The following RANBP10 variants were observed in gnomAD, a reference collection of about 807,000 sequenced individuals.
RANBP10 encodes the protein RAN binding protein 10.
Under a neutral mutation model 72.8 loss-of-function variants are expected in RANBP10, and 24 were observed. The ratio of observed to expected loss-of-function variants is 0.33; its 90% confidence interval spans 0.24 to 0.46. The LOEUF (loss-of-function observed/expected upper bound fraction) is 0.46, where lower values mean the gene tolerates loss of function less well. RANBP10 is among the 20% of genes least tolerant of loss of function. The pLI is 1.00. For missense variants in RANBP10, 679 were observed against 817.5 expected (o/e 0.83, Z 2.07); for synonymous variants, 310 against 322.3 (o/e 0.96, Z 0.41).
chr16:67,772,043 T>C lies in RANBP10; in HGVS notation c.391A>G (p.Arg131Gly). The change falls in exon 3 of 14, where the codon AGA (arginine) becomes GGA (glycine). Residue 131 changes from arginine (R) to glycine (G), a missense_variant. By Grantham distance (125) the Arg-to-Gly change is moderately radical. Coordinates refer to ENST00000317506, the MANE Select transcript of RANBP10 (RefSeq NM_020850.3). ...TTAAACAGTGACTCACCAGGAAGTC[T>C]GTTCATGTTGACGCCTTGAGCCGAG... ...GLSAQGVNMN[R>G]LPGWDKHSYG... 2 of 1,609,900 alleles carry C rather than the reference T, an allele frequency of 1.2e-6. No homozygotes were observed. The highest frequency in any genetic ancestry group is 1.7e-6 in the Non-Finnish European group (2 of 1,179,160).
intron 2 of RANBP10, among the ~76,000 whole-genome samples, chr16:67,794,473 G>A (rs1442098536): frequency 6.7e-6 from 1 of 149,540 alleles, no homozygotes; most frequent in African/African-American, 2.5e-5. Context: ...GGCCTGCTGT[G>A]TATTTTTTAA....
At chr16:67,748,480 C>T (rs1181612584) in intron 3 of RANBP10, among the ~76,000 whole-genome samples, 5 of 151,566 alleles carry the variant, frequency 3.3e-5, no homozygotes, top group African/African-American at 4.9e-5. Flanking sequence ...GCCAAGATCA[C>T]GCCACTGCAC....
Position 67,729,621 on chromosome 16 carries a change from T to C in RANBP10, c.1147+59A>G. ...TGAGCCCAGCCCAGGAAAGGGTATG[T>C]GGAGTGGCCTCTCTCCTCCACACCA... On this transcript the variant is annotated intron_variant, in intron 9 of 13. Coordinates refer to ENST00000317506, the MANE Select transcript of RANBP10 (RefSeq NM_020850.3). The surrounding 1 kb of genome is among the most constrained non-coding windows in gnomAD (Gnocchi z 7.1). 1 of 1,568,456 alleles carries C rather than the reference T, an allele frequency of 6.4e-7. No homozygotes were observed. Among genetic ancestry groups the C allele is most frequent in the Non-Finnish European group, 8.6e-7 (1 of 1,157,862 alleles).
chr16:67,753,309 C>T (rs1002493198), intron 3 of RANBP10, among the ~76,000 whole-genome samples: 1 of 151,968 alleles, frequency 6.6e-6, no homozygotes, highest in African/African-American at 2.4e-5. Context: ...AGTTTGAGAC[C>T]ATCCTGGACA....
At chr16:67,764,625 T>A (rs2054462533) in intron 3 of RANBP10, among the ~76,000 whole-genome samples, 1 of 152,200 alleles carries the variant, frequency 6.6e-6, no homozygotes, top group Non-Finnish European at 1.5e-5. Flanking sequence ...GGCTTGTCAA[T>A]CCTGTCACAG....
chr16:67,724,863 C>T lies in RANBP10; in HGVS notation c.*1565G>A, dbSNP rs375388155. On this transcript the variant is annotated 3_prime_UTR_variant, in exon 14 of 14. Transcript: ENST00000317506. Reference sequence around the variant, plus strand: ...CAACTTCCGGCCTTGCCATGGCTGACCCTACTCTTTGCATGGGCGGCTTGT... The same window carrying T: ...CAACTTCCGGCCTTGCCATGGCTGATCCTACTCTTTGCATGGGCGGCTTGT... The T allele has an allele frequency of 6.6e-6, 1 of 152,356 alleles. No homozygotes were observed. The highest frequency in any genetic ancestry group is 2.4e-5 in the African/African-American group (1 of 41,454). 9.4% of individuals were successfully genotyped at this position (152,356 alleles called of 1,614,324 possible).
chr16:67,792,831 G>A (rs888498482), intron 2 of RANBP10, among the ~76,000 whole-genome samples: 1 of 151,538 alleles, frequency 6.6e-6, no homozygotes, highest in Non-Finnish European at 1.5e-5. Flanking sequence ...CTCAAGTTAG[G>A]GTGCTCGTAT....
chr16:67,750,761 CTTTTTTTTTTTT>C lies in RANBP10; in HGVS notation c.401-6318_401-6307del, dbSNP rs914921755. 6.4e-5 allele frequency among the ~76,000 whole-genome samples: 7 copies of C among 110,228 alleles called. No individual in the cohort carries two copies. In the East Asian group the frequency reaches 1.8e-3, roughly 29 times the overall value. 72.3% of individuals were successfully genotyped at this position (110,228 alleles called of 152,430 possible). On this transcript the variant is annotated intron_variant, in intron 3 of 13. Coordinates refer to ENST00000317506, the MANE Select transcript of RANBP10 (RefSeq NM_020850.3). ...CTGGAAGGTTTCCTTTTTTCACTTTCTTTTTTTTTTTTTTTTTTTTTTTGAGACGTAGTCTCA... is the reference window on the plus strand; with the variant it reads ...CTGGAAGGTTTCCTTTTTTCACTTTCTTTTTTTTTTTGAGACGTAGTCTCA...
In RANBP10 at chr16:67,737,514, C is replaced by T. The variant is rs75044387; in HGVS notation, c.591+499G>A. On this transcript the variant is annotated intron_variant, in intron 5 of 13. Coordinates refer to ENST00000317506, the MANE Select transcript of RANBP10 (RefSeq NM_020850.3). ...ACCGCACCCGGCCAGAAAACTCCAT[C>T]CTTTTCTAAGAAGAGAAGACCCCAC... Among the ~76,000 whole-genome samples the T allele has an allele frequency of 9.6e-3, 1,464 of 152,100 alleles. 20 individuals carry two copies. Among genetic ancestry groups the T allele is most frequent in the African/African-American group, 0.033 (1,366 of 41,494 alleles).
rs1033601729 is a variant in RANBP10 at position 67,795,422 on chromosome 16, C to G, written c.347+10006G>C. On this transcript the variant is annotated intron_variant, in intron 2 of 13. Coordinates refer to ENST00000317506, the MANE Select transcript of RANBP10 (RefSeq NM_020850.3). ...GGCATGGTGGTGCACGCCTGTAATC[C>G]CAGCTACTCAGGAGGCTGAGGCAGG... is the stretch of plus-strand genomic sequence containing the variant. 4.5e-4 allele frequency among the ~76,000 whole-genome samples: 69 copies of G among 151,990 alleles called. 1 individual carries two copies. Among genetic ancestry groups the G allele is most frequent in the African/African-American group, 1.6e-3 (68 of 41,436 alleles).
chr16:67,771,759 G>A (rs538464637), intron 3 of RANBP10, among the ~76,000 whole-genome samples: 7 of 152,336 alleles, frequency 4.6e-5, no homozygotes, highest in African/African-American at 1.7e-4. Context: ...GGCTACTGAC[G>A]CGTATCCCTA....
intron 3 of RANBP10, among the ~76,000 whole-genome samples, chr16:67,756,737 C>T (rs2054292344): frequency 6.6e-6 from 1 of 151,990 alleles, no homozygotes. Flanking sequence ...AAAAACACCC[C>T]AAAAAGCTAG....
Position 67,726,421 on chromosome 16 carries a change from C to T in RANBP10, c.*7G>A, listed in dbSNP as rs369215072. 119 of 1,612,368 alleles carry T rather than the reference C, an allele frequency of 7.4e-5. No individual in the cohort carries two copies. Among genetic ancestry groups the T allele is most frequent in the Non-Finnish European group, 1.0e-4 (118 of 1,179,464 alleles). On this transcript the variant is annotated 3_prime_UTR_variant, in exon 14 of 14. Coordinates refer to ENST00000317506, the MANE Select transcript of RANBP10 (RefSeq NM_020850.3). ...GAGGGCCAGCCAGAGCCAGCCAGCACAGTCAGCTAGTGCAAGTAGTCATCA... is the reference window on the plus strand; with the variant it reads ...GAGGGCCAGCCAGAGCCAGCCAGCATAGTCAGCTAGTGCAAGTAGTCATCA...
Position 67,727,062 on chromosome 16 carries a change from A to G in RANBP10, c.1732+265T>C, listed in dbSNP as rs562023972. On this transcript the variant is annotated intron_variant, in intron 13 of 13. Coordinates refer to ENST00000317506, the MANE Select transcript of RANBP10 (RefSeq NM_020850.3). The stretch of plus-strand genomic sequence containing the variant: ...GTAATCCCAGCACTTTGGGAGGCTA[A>G]GGCGGGCAGATCACCTGAGGCCAGG... Among the ~76,000 whole-genome samples, 8 of 152,320 alleles carry G rather than the reference A, an allele frequency of 5.3e-5. No individual in the cohort carries two copies. The South Asian group carries it at 1.7e-3, about 32-fold the overall frequency.
At chr16:67,750,761 C>CTTT (rs914921755) in intron 3 of RANBP10, among the ~76,000 whole-genome samples, 302 of 110,220 alleles carry the variant, frequency 2.7e-3, no homozygotes, top group Non-Finnish European at 3.1e-3. Flanking sequence ...TTTTCACTTT[C>CTTT]TTTTTTTTTT....
Position 67,729,522 on chromosome 16 carries a change from C to A in RANBP10, c.1148-38G>T. 1 of 1,590,990 alleles carries A rather than the reference C, an allele frequency of 6.3e-7. No homozygotes were observed. The highest frequency in any genetic ancestry group is 8.6e-7 in the Non-Finnish European group (1 of 1,168,748). ...GTGACAGTCAGAAGAGGAGGGGCAG[C>A]TTCCCATGAAATGAAGCCCCAAGAA... On this transcript the variant is annotated intron_variant, in intron 9 of 13. Transcript: ENST00000317506. The surrounding 1 kb of genome is among the most constrained non-coding windows in gnomAD (Gnocchi z 7.1).
intron 3 of RANBP10, among the ~76,000 whole-genome samples, chr16:67,761,233 C>T (rs2054390028): frequency 6.6e-6 from 1 of 152,216 alleles, no homozygotes; most frequent in South Asian, 2.1e-4. Flanking sequence ...AAGACATGCC[C>T]ATAGGCTCCC....
intron 3 of RANBP10, among the ~76,000 whole-genome samples, chr16:67,758,531 G>A (rs1294687205): frequency 6.6e-6 from 1 of 152,098 alleles, no homozygotes; most frequent in East Asian, 1.9e-4. Context: ...ACATTCCCAG[G>A]GTCTCGGGAT....
chr16:67,795,219 T>G (rs1481700487), intron 2 of RANBP10, among the ~76,000 whole-genome samples: 1 of 151,614 alleles, frequency 6.6e-6, no homozygotes, highest in Non-Finnish European at 1.5e-5. Context: ...CACTCCAGCC[T>G]GGGCAACAGA....
Sources: gnomAD v4.1 joint callset for allele counts (sites outside exome capture counted in the v4.1 genomes callset) on GRCh38, gnomAD v4.1.1 for gene constraint, Gnocchi (gnomAD v3.1) non-coding constraint, MANE v1.5 for transcripts, NCBI Gene and HGNC (gene_info 2026-07-23, HGNC 2026-07-21) for gene names.